ZFP37: variants seen among roughly 807,000 people sequenced by gnomAD.
ZFP37 encodes zinc finger protein 37 homolog.
Under a neutral mutation model 52.1 loss-of-function variants are expected in ZFP37, and 38 were observed. The observed-to-expected ratio is 0.73, with a 90% CI of 0.56 to 0.96. The LOEUF (loss-of-function observed/expected upper bound fraction) is 0.96. Among genes scored for constraint, ZFP37 ranks in the 40% least tolerant of loss-of-function variants. The pLI, the probability that ZFP37 is intolerant of heterozygous loss-of-function variation, is 0.00. For missense variants in ZFP37, 695 were observed against 741.4 expected (o/e 0.94, Z 0.73); for synonymous variants, 253 against 259.5 (o/e 0.98, Z 0.24).
chr9:113,050,472 A>G (rs1829037194), intron 1 of ZFP37, among the ~76,000 whole-genome samples: 2 of 150,566 alleles, frequency 1.3e-5, no homozygotes, highest in Non-Finnish European at 3.0e-5. Context: ...AATAGCCAAA[A>G]AAAAAAAAAA....
intron 1 of ZFP37, among the ~76,000 whole-genome samples, chr9:113,051,959 C>T (rs1442466650): frequency 2.6e-5 from 4 of 152,114 alleles, no homozygotes; most frequent in Non-Finnish European, 5.9e-5. Context: ...AGCAGATCTC[C>T]CCAGCCACTT....
rs768004346 is a variant in ZFP37 at position 113,044,099 on chromosome 9, C to G, written c.519G>C (p.Arg173Ser). 5.0e-6 allele frequency: 8 copies of G among 1,611,330 alleles called. No individual in the cohort carries two copies. The highest frequency in any genetic ancestry group is 5.9e-6 in the Non-Finnish European group (7 of 1,179,422). The change falls in exon 4 of 4, where the codon AGG (arginine) becomes AGC (serine). Residue 173 changes from arginine to serine, a missense_variant. Arg to Ser is a moderately radical substitution (Grantham distance 110). This residue lies in a region of ZFP37 where 369 missense variants were observed against 340.9 expected (regional missense o/e 1.08). Coordinates refer to ENST00000374227, the MANE Select transcript of ZFP37 (RefSeq NM_003408.3). ...TTCCACATGACTCAAATTTAAGAAG[C>G]CTTTTCTTTGAAGGAACATGTTTTT... is the stretch of plus-strand genomic sequence containing the variant. ...LHKKHVPSKK[R>S]LLKFESCGKI...
chr9:113,048,792 C>G (rs1019030518), intron 3 of ZFP37, among the ~76,000 whole-genome samples: 1 of 152,158 alleles, frequency 6.6e-6, no homozygotes, highest in Non-Finnish European at 1.5e-5. Flanking sequence ...CCATGTTGAA[C>G]TCAGGAGTGG....
chr9:113,048,404 G>C (rs1019125207), intron 3 of ZFP37, among the ~76,000 whole-genome samples: 1 of 152,108 alleles, frequency 6.6e-6, no homozygotes, highest in Non-Finnish European at 1.5e-5. Flanking sequence ...GTAGGGTCTC[G>C]GAGTATGGGT....
At position 113,042,787 on chromosome 9, in the gene ZFP37, T is replaced by G; in HGVS notation, c.1831A>C (p.Lys611Gln). The G allele has an allele frequency of 1.2e-6, 2 of 1,609,554 alleles. No homozygotes were observed. Among genetic ancestry groups the G allele is most frequent in the South Asian group, 2.2e-5 (2 of 90,124 alleles). The change falls in exon 4 of 4, where the codon AAA becomes CAA. Residue 611 changes from lysine (K) to glutamine (Q), a missense_variant. Coordinates refer to ENST00000374227, the MANE Select transcript of ZFP37 (RefSeq NM_003408.3). Reference protein sequence around the residue: ...YECNECGKTFKQNASLTKHVK... With the variant: ...YECNECGKTFQQNASLTKHVK... ...TGTTTGGTTAGGGATGCATTTTGTT[T>G]GAAAGTTTTCCCACATTCATTACAT...
rs1170654032 is a variant in ZFP37 at position 113,039,443 on chromosome 9, T to C, written c.*3282A>G. The C allele has an allele frequency of 6.6e-6, 1 of 152,136 alleles. No homozygotes were observed. Among genetic ancestry groups the C allele is most frequent in the Non-Finnish European group, 1.5e-5 (1 of 68,018 alleles). 9.4% of individuals were successfully genotyped at this position (152,136 alleles called of 1,614,324 possible). A position where few individuals can be genotyped will look rare whatever the true frequency, so the allele number is the denominator to read the frequency against. On this transcript the variant is annotated 3_prime_UTR_variant, in exon 4 of 4. Transcript: ENST00000374227. ...CCCTGGAATGCTCTTCCGTCATATA[T>C]ATATACATGGTTTGCTCTTTTACCC...
chr9:113,049,756 G>A, intron 2 of ZFP37, 35 bp downstream of exon 2: 4 of 1,607,754 alleles, frequency 2.5e-6, no homozygotes, highest in Non-Finnish European at 3.4e-6. Context: ...GTATCACAGT[G>A]GACACATTTT....
rs966763989 is a variant in ZFP37, at chr9:113,052,875, G to T, written c.133-3003C>A. Among the ~76,000 whole-genome samples the T allele has an allele frequency of 2.0e-4, 30 of 152,164 alleles. 1 individual carries two copies. The highest frequency in any genetic ancestry group is 3.8e-4 in the Non-Finnish European group (26 of 68,028). The stretch of plus-strand genomic sequence containing the variant: ...CAGCAAAAAGCAGACCTTGCAGCAG[G>T]CCTGTCTAAGGATAGCAGTTTTTCA... On this transcript the variant is annotated intron_variant, in intron 1 of 3. Transcript: ENST00000374227. The surrounding 1 kb of genome is among the most constrained non-coding windows in gnomAD (Gnocchi z 4.1).
chr9:113,043,781 T>A lies in ZFP37; in HGVS notation c.837A>T (p.Ser279=). ...CTTGAGGTTTTTCATGCTTAGTAGA[T>A]GAGCTAAGGCTGGGTGATTTCTCAT... ...EKHEKSPSLS[S]STKHEKPQAC... The change falls in exon 4 of 4, where the codon TCA becomes TCT. Residue 279 remains serine (S), a synonymous_variant. Transcript: ENST00000374227. 6.2e-7 allele frequency: 1 copy of A among 1,613,894 alleles called. No homozygotes were observed. The highest frequency in any genetic ancestry group is 1.1e-5 in the South Asian group (1 of 91,072).
chr9:113,046,599 G>A (rs1055251236), intron 3 of ZFP37, among the ~76,000 whole-genome samples: 2 of 152,112 alleles, frequency 1.3e-5, no homozygotes, highest in South Asian at 2.1e-4. Flanking sequence ...AGGAAAGGAG[G>A]AGAATTTGAA....
intron 3 of ZFP37, 45 bp from the exon 4 acceptor site, chr9:113,044,313 T>C (rs200629883): frequency 1.3e-6 from 2 of 1,488,570 alleles, no homozygotes; most frequent in East Asian, 4.6e-5. Flanking sequence ...CTTTGTACTC[T>C]TATATTTTGG....
intron 1 of ZFP37, chr9:113,050,149 C>T (rs1829030529): frequency 3.3e-6 from 1 of 302,544 alleles, no homozygotes; most frequent in Non-Finnish European, 6.1e-6. Context: ...CTTTGGGAGG[C>T]TAAAGCAGGA....
At chr9:113,044,624 C>T (rs1828920329) in intron 3 of ZFP37, among the ~76,000 whole-genome samples, 1 of 151,958 alleles carries the variant, frequency 6.6e-6, no homozygotes, top group African/African-American at 2.4e-5. Context: ...CCAAGCTGCC[C>T]AGTTCTGATA....
chr9:113,043,574 T>C lies in ZFP37; in HGVS notation c.1044A>G (p.Pro348=), dbSNP rs1263306279. The C allele has an allele frequency of 4.3e-6, 7 of 1,614,022 alleles. No individual in the cohort carries two copies. Among genetic ancestry groups the C allele is most frequent in the South Asian group, 1.1e-5 (1 of 91,076 alleles). Reference sequence around the variant, plus strand: ...CTTTGCCACACTGAATACATTCATATGGTTTTTCTCCGGTGTGAGTTCTCT... The same window carrying C: ...CTTTGCCACACTGAATACATTCATACGGTTTTTCTCCGGTGTGAGTTCTCT... ...VHQRTHTGEK[P]YECIQCGKAH... The change falls in exon 4 of 4, where the codon CCA becomes CCG. Residue 348 remains proline (P), a synonymous_variant. Transcript: ENST00000374227.
chr9:113,054,070 C>T (rs146041701), intron 1 of ZFP37, among the ~76,000 whole-genome samples: 2 of 152,292 alleles, frequency 1.3e-5, no homozygotes, highest in African/African-American at 4.8e-5. Context: ...CATTACCTCT[C>T]ATTCTTTCAA....
rs112304325 is a variant in ZFP37 at position 113,039,040 on chromosome 9, T to C, written c.*3685A>G. On this transcript the variant is annotated 3_prime_UTR_variant, in exon 4 of 4. Transcript: ENST00000374227. ...TTAAATATAGTTTGAAATTGTGGTT[T>C]TTAATGTCATATTACTCAATTTTTG... The C allele has an allele frequency of 6.3e-4, 96 of 152,330 alleles. No individual in the cohort carries two copies. The highest frequency in any genetic ancestry group is 2.0e-3 in the African/African-American group (83 of 41,586). The allele number at this position is 152,330 out of a possible 1,614,324, so 9.4% of individuals were successfully genotyped here. A position where few individuals can be genotyped will look rare whatever the true frequency, so the allele number is the denominator to read the frequency against.
rs371889293 is a variant in ZFP37, at chr9:113,043,857, C to T, written c.761G>A (p.Cys254Tyr). 1.7e-5 allele frequency: 27 copies of T among 1,613,936 alleles called. No individual in the cohort carries two copies. The highest frequency in any genetic ancestry group is 2.3e-5 in the Non-Finnish European group (27 of 1,179,958). Reference protein sequence around the residue: ...KTGKKHDKLCCHSSSHIKQDK... With the variant: ...KTGKKHDKLCYHSSSHIKQDK... ...CTGTTTAATATGGGATGAACTATGA[C>T]AGCATAATTTGTCATGTTTTTTGCC... The change falls in exon 4 of 4, where the codon TGT becomes TAT. Residue 254 changes from cysteine (C) to tyrosine (Y), a missense_variant. Cys to Tyr is a radical substitution (Grantham distance 194). Around this residue, in one of 2 missense-constraint regions of ZFP37, gnomAD observed 369 missense variants for 340.9 expected, o/e 1.08. Coordinates refer to ENST00000374227, the MANE Select transcript of ZFP37 (RefSeq NM_003408.3).
chr9:113,047,477 C>T (rs932233460), intron 3 of ZFP37, among the ~76,000 whole-genome samples: 2 of 151,980 alleles, frequency 1.3e-5, no homozygotes, highest in African/African-American at 4.8e-5. Context: ...TAAAGCTGGG[C>T]ATGGTGGCTC....
rs1829155552 is a variant in ZFP37 at position 113,056,698 on chromosome 9, C to G, written c.-10G>C. ...CGCTGGAGACCGACATGGCGGCTAC[C>G]CGGAGGGCGGCCTTAGCGGGTCCGG... On this transcript the variant is annotated 5_prime_UTR_variant, in exon 1 of 4. Coordinates refer to ENST00000374227, the MANE Select transcript of ZFP37 (RefSeq NM_003408.3). 6.2e-7 allele frequency: 1 copy of G among 1,610,758 alleles called. No individual in the cohort carries two copies. The highest frequency in any genetic ancestry group is 1.1e-5 in the South Asian group (1 of 91,022).
Sources: allele counts gnomAD v4.1 joint callset (sites outside exome capture counted in the v4.1 genomes callset), GRCh38; gene constraint gnomAD v4.1.1; regional missense constraint gnomAD v4.1.1; non-coding constraint Gnocchi (gnomAD v3.1); transcripts MANE v1.5; gene names NCBI Gene and HGNC (gene_info 2026-07-23, HGNC 2026-07-21).